NRXN3: variants seen among roughly 807,000 people sequenced by gnomAD.
NRXN3 encodes neurexin 3.
Under a neutral mutation model 137.6 loss-of-function variants are expected in NRXN3, and 32 were observed. The observed-to-expected ratio is 0.23, with a 90% confidence interval of 0.18 to 0.31. The LOEUF is 0.31. Ranked by LOEUF, NRXN3 falls within the 10% of genes least tolerant of loss-of-function variation. NRXN3 has a pLI of 1.00. For synonymous variants in NRXN3, 798 were observed against 784.5 expected (o/e 1.02, Z -0.29); for missense variants, 1,574 against 2,062.5 (o/e 0.76, Z 4.59).
At chr14:79,835,456 A>G (rs1020638867) in intron 20 of NRXN3, among the ~76,000 whole-genome samples, 2 of 152,120 alleles carry the variant, frequency 1.3e-5, no homozygotes, top group African/African-American at 4.8e-5. Flanking sequence ...TAAGAATAAT[A>G]TTTCTCTCTA....
intron 15 of NRXN3, among the ~76,000 whole-genome samples, chr14:79,365,018 CTTTAT>C (rs988311524): frequency 2.6e-5 from 4 of 152,068 alleles, no homozygotes; most frequent in African/African-American, 9.7e-5. Context: ...CTCAAACAGG[CTTTAT>C]TTTATTTGTC....
chr14:78,955,474 A>G (rs926309561), intron 10 of NRXN3, among the ~76,000 whole-genome samples: 2 of 152,226 alleles, frequency 1.3e-5, no homozygotes, highest in African/African-American at 4.8e-5. Flanking sequence ...AGATAAGCTG[A>G]GATGTAATCT....
At chr14:78,961,819 C>G (rs553317096) in intron 11 of NRXN3, among the ~76,000 whole-genome samples, 2 of 152,284 alleles carry the variant, frequency 1.3e-5, no homozygotes, top group Non-Finnish European at 2.9e-5. Flanking sequence ...CAGCTTGAAC[C>G]TGGCCAGAAT....
At chr14:78,919,092 C>T (rs552962899) in intron 10 of NRXN3, among the ~76,000 whole-genome samples, 3 of 152,058 alleles carry the variant, frequency 2.0e-5, no homozygotes, top group Non-Finnish European at 4.4e-5. Flanking sequence ...TTATATGAGA[C>T]ACACTTGTTT....
chr14:79,784,312 T>C (rs1287259068), intron 19 of NRXN3, among the ~76,000 whole-genome samples: 1 of 152,184 alleles, frequency 6.6e-6, no homozygotes, highest in East Asian at 1.9e-4. Context: ...CCAATGTCTT[T>C]CCCAAGGGGT....
intron 8 of NRXN3, among the ~76,000 whole-genome samples, chr14:78,756,545 C>CA (rs869164043): frequency 0.041 from 2,870 of 70,228 alleles, 82 homozygotes; most frequent in African/African-American, 0.094. Context: ...GATTCTGTCT[C>CA]AAAAAAAAAA....
intron 19 of NRXN3, among the ~76,000 whole-genome samples, chr14:79,770,037 A>G (rs895173247): frequency 2.6e-5 from 4 of 151,980 alleles, no homozygotes; most frequent in African/African-American, 7.3e-5. Flanking sequence ...AGGCCATTAC[A>G]TAATGGTAAA....
intron 8 of NRXN3, among the ~76,000 whole-genome samples, chr14:78,785,887 G>A (rs2098787887): frequency 6.6e-6 from 1 of 152,158 alleles, no homozygotes; most frequent in Non-Finnish European, 1.5e-5. Context: ...GAAACTATAT[G>A]ATACCATATC....
chr14:79,342,279 T>G (rs1450626582), intron 15 of NRXN3, among the ~76,000 whole-genome samples: 2 of 152,146 alleles, frequency 1.3e-5, no homozygotes, highest in African/African-American at 4.8e-5. Context: ...GTTGAAATAG[T>G]CTCTAAGATG....
At chr14:78,877,510 T>G (rs534919927) in intron 10 of NRXN3, among the ~76,000 whole-genome samples, 2 of 152,310 alleles carry the variant, frequency 1.3e-5, no homozygotes, top group East Asian at 3.9e-4. Flanking sequence ...GTGATTTGTA[T>G]TTATTTCATT....
At chr14:78,795,377 G>A (rs1360759944) in intron 8 of NRXN3, among the ~76,000 whole-genome samples, 2 of 152,132 alleles carry the variant, frequency 1.3e-5, no homozygotes, top group Non-Finnish European at 1.5e-5. Flanking sequence ...ATTTTCCAGT[G>A]CCAATCCCTT....
chr14:79,049,982 TG>T, intron 15 of NRXN3, among the ~76,000 whole-genome samples: 1 of 152,332 alleles, frequency 6.6e-6, no homozygotes, highest in Non-Finnish European at 1.5e-5. Context: ...ATTTCTGTCC[TG>T]CAGCTCACCA....
At chr14:79,593,360 G>A (rs1278383764) in intron 16 of NRXN3, among the ~76,000 whole-genome samples, 1 of 152,156 alleles carries the variant, frequency 6.6e-6, no homozygotes, top group Non-Finnish European at 1.5e-5. Flanking sequence ...GCCGGGTGTG[G>A]TGGCTCACAC....
At chr14:78,422,663 A>C (rs1471067225) in intron 4 of NRXN3, among the ~76,000 whole-genome samples, 1 of 152,260 alleles carries the variant, frequency 6.6e-6, no homozygotes, top group Non-Finnish European at 1.5e-5. Context: ...TATCCAGTGC[A>C]GACCATGTGC....
At chr14:79,032,527 A>G (rs757651616) in intron 15 of NRXN3, among the ~76,000 whole-genome samples, 1 of 152,168 alleles carries the variant, frequency 6.6e-6, no homozygotes, top group Non-Finnish European at 1.5e-5. Flanking sequence ...CCTGAGCCTT[A>G]GAGAGGAAAC....
intron 19 of NRXN3, among the ~76,000 whole-genome samples, chr14:79,786,726 G>T (rs1323490210): frequency 1.3e-5 from 2 of 152,176 alleles, no homozygotes; most frequent in African/African-American, 4.8e-5. Flanking sequence ...ACTGCCCAAT[G>T]TTCAACTAAG....
intron 2 of NRXN3, among the ~76,000 whole-genome samples, chr14:78,248,219 GGT>G (rs2067979192): frequency 6.6e-6 from 1 of 151,542 alleles, no homozygotes; most frequent in South Asian, 2.1e-4. Context: ...GAAGTGTCGT[GGT>G]GGGTGTTGGT....
chr14:79,117,785 C>G (rs1010209694), intron 15 of NRXN3, among the ~76,000 whole-genome samples: 1 of 152,178 alleles, frequency 6.6e-6, no homozygotes, highest in Non-Finnish European at 1.5e-5. Context: ...TTGAAGGAGA[C>G]ACCACCTTTC....
chr14:79,143,085 A>G (rs374444935), intron 15 of NRXN3, among the ~76,000 whole-genome samples: 15 of 152,196 alleles, frequency 9.9e-5, no homozygotes, highest in Middle Eastern at 3.4e-3. Context: ...TCTGCACTGT[A>G]TTTTCATAGG....
Sources: gnomAD v4.1 joint callset for allele counts (sites outside exome capture counted in the v4.1 genomes callset) on GRCh38, gnomAD v4.1.1 for gene constraint, MANE v1.5 for transcripts, NCBI Gene and HGNC (gene_info 2026-07-23, HGNC 2026-07-21) for gene names.